Variants in FMNL1 observed in about 807,000 individuals in gnomAD.
The protein encoded by FMNL1 is formin like 1.
Under a neutral mutation model 121.3 loss-of-function variants are expected in FMNL1, and 43 were observed. The observed-to-expected ratio is 0.35, with a 90% CI of 0.28 to 0.46. FMNL1 has a LOEUF of 0.46. FMNL1 is among the 20% of genes least tolerant of loss of function. The pLI is 1.00. For missense variants in FMNL1, 1,191 were observed against 1,482.4 expected (o/e 0.80, Z 3.23); for synonymous variants, 613 against 613.5 (o/e 1.00, Z 0.01).
rs747927505 is a variant in FMNL1 at position 45,234,174 on chromosome 17, G to T, written c.588G>T (p.Val196=). The T allele has an allele frequency of 1.2e-6, 2 of 1,614,090 alleles. No individual in the cohort carries two copies. Among genetic ancestry groups the T allele is most frequent in the South Asian group, 1.1e-5 (1 of 91,086 alleles). Residue 196 remains valine (V), a synonymous_variant, in exon 6 of 27, where the codon GTG becomes GTT. Transcript: ENST00000331495. Reference sequence around the variant, plus strand: ...TCAGCAAGGGTCCACCCTCCTCCGTGCCCAAAAGCCGCCACCTGACCATCA... The same window carrying T: ...TCAGCAAGGGTCCACCCTCCTCCGTTCCCAAAAGCCGCCACCTGACCATCA... ...EDLSKGPPSS[V]PKSRHLTIKL... is the part of the protein sequence containing the mutation.
chr17:45,244,067 T>A (rs2043771934), intron 18 of FMNL1, 42 bp downstream of exon 18: 2 of 1,599,190 alleles, frequency 1.3e-6, no homozygotes, highest in East Asian at 4.5e-5. Flanking sequence ...TGGGAGGGGA[T>A]GGGCAGGAGG....
At chr17:45,244,276 C>T in intron 19 of FMNL1, 32 bp downstream of exon 19, 1 of 1,594,910 alleles carries the variant, frequency 6.3e-7, no homozygotes, top group Non-Finnish European at 8.5e-7. Context: ...CCCACCCTTG[C>T]CTGTTCTGGA....
rs377148837 is a variant in FMNL1 at position 45,239,056 on chromosome 17, G to C, written c.1071G>C (p.Leu357=). ...AGTTCACCCACTTGGGCCTGGACCT[G>C]TACTTGGAGGTAAGCCCTGTACTGC... ...QYEFTHLGLD[L]YLERLRLTES... Residue 357 remains leucine, a synonymous_variant, in exon 11 of 27, where the codon CTG becomes CTC. Transcript: ENST00000331495. 2.5e-6 allele frequency: 4 copies of C among 1,613,706 alleles called. No individual in the cohort carries two copies. The African/African-American group carries it at 4.0e-5, about 16-fold the overall frequency.
chr17:45,232,518 A>C (rs2043460420), intron 3 of FMNL1, 38 bp downstream of exon 3: 3 of 1,597,632 alleles, frequency 1.9e-6, no homozygotes, highest in Non-Finnish European at 2.6e-6. Context: ...CCTTTCCCCC[A>C]CATTTTCCAA....
rs138296987 is a variant in FMNL1 at position 45,244,171 on chromosome 17, C to T, written c.2449-5C>T. On this transcript the variant is annotated splice_region_variant and splice_polypyrimidine_tract_variant and intron_variant, in intron 18 of 26. Coordinates refer to ENST00000331495, the MANE Select transcript of FMNL1 (RefSeq NM_005892.4). ...CTTATCTTACCTCCCCCATCCCACC[C>T]CCAGCAACTGAATGCCATCATTGCA... 7,459 of 1,612,942 alleles carry T rather than the reference C, an allele frequency of 4.6e-3. 35 individuals carry two copies. Among genetic ancestry groups the T allele is most frequent in the Middle Eastern group, 9.1e-3 (55 of 6,060 alleles).
In FMNL1 at chr17:45,241,557, T is replaced by A; in HGVS notation, c.1508T>A (p.Ile503Asn). ...RGPGDAVSIE[I>N]LPVAVATPSG... Reference sequence around the variant, plus strand: ...CCGGGGGATGCTGTCTCCATCGAGATCCTCCCCGTCGCTGTGGCAACTCCG... The same window carrying A: ...CCGGGGGATGCTGTCTCCATCGAGAACCTCCCCGTCGCTGTGGCAACTCCG... Residue 503 changes from isoleucine to asparagine, a missense_variant, in exon 14 of 27, where the codon ATC becomes AAC. Ile to Asn is a moderately radical substitution (Grantham distance 149). Around this residue, in one of 4 missense-constraint regions of FMNL1, gnomAD observed 519 missense variants for 492.8 expected, o/e 1.05. Transcript: ENST00000331495. This position sits in a 1 kb window ranked among gnomAD's most constrained non-coding sequence, Gnocchi z 7.0. The A allele has an allele frequency of 6.4e-7, 1 of 1,569,104 alleles. No individual in the cohort carries two copies. Among genetic ancestry groups the A allele is most frequent in the Non-Finnish European group, 8.6e-7 (1 of 1,157,576 alleles).
At position 45,242,341 on chromosome 17, in the gene FMNL1, G is replaced by A; in HGVS notation, c.1886G>A (p.Gly629Glu). 6.2e-7 allele frequency: 1 copy of A among 1,613,876 alleles called. No individual in the cohort carries two copies. The highest frequency in any genetic ancestry group is 8.5e-7 in the Non-Finnish European group (1 of 1,179,808). ...CACTGCCCCCAAACCCCCGTCCCAG[G>A]AGTGAAGGCCAAGAAGCCCATCCAG... Reference protein sequence around the residue: ...LGRRDSELGPGVKAKKPIQTK... With the variant: ...LGRRDSELGPEVKAKKPIQTK... The change falls in exon 16 of 27, where the codon GGA (glycine) becomes GAA (glutamate). Residue 629 changes from glycine (G) to glutamate (E), a missense_variant and splice_region_variant. Around this residue, in one of 4 missense-constraint regions of FMNL1, gnomAD observed 519 missense variants for 492.8 expected, o/e 1.05. Coordinates refer to ENST00000331495, the MANE Select transcript of FMNL1 (RefSeq NM_005892.4).
chr17:45,234,541 G>A (rs1181875389), intron 6 of FMNL1: 2 of 345,420 alleles, frequency 5.8e-6, no homozygotes, highest in African/African-American at 2.2e-5. Flanking sequence ...GTGCACGCCT[G>A]TAATCCTAGC....
In FMNL1 at chr17:45,247,019, G is replaced by T; in HGVS notation, c.*161G>T. On this transcript the variant is annotated 3_prime_UTR_variant, in exon 27 of 27. Transcript: ENST00000331495. ...TGCAGGGGTGTGGGGCCGTGGACAGGCTGAGGCTCAAGGAAGGTGGTCCTC... is the reference window on the plus strand; with the variant it reads ...TGCAGGGGTGTGGGGCCGTGGACAGTCTGAGGCTCAAGGAAGGTGGTCCTC... 1.5e-6 allele frequency: 1 copy of T among 673,278 alleles called. No individual in the cohort carries two copies. Among genetic ancestry groups the T allele is most frequent in the Non-Finnish European group, 2.7e-6 (1 of 364,330 alleles). The allele number at this position is 673,278 out of a possible 1,614,324, so 41.7% of individuals were successfully genotyped here.
intron 6 of FMNL1, 87 bp from the exon 7 acceptor site, chr17:45,236,049 C>T (rs1461775896): frequency 3.6e-6 from 4 of 1,106,448 alleles, no homozygotes; most frequent in South Asian, 2.8e-5. Context: ...CCAGATGTGC[C>T]TCCTCTTACC....
chr17:45,234,209 G>A lies in FMNL1; in HGVS notation c.614+9G>A, dbSNP rs1479650322. On this transcript the variant is annotated intron_variant, in intron 6 of 26. Coordinates refer to ENST00000331495, the MANE Select transcript of FMNL1 (RefSeq NM_005892.4). ...CGCCACCTGACCATCAAGTATGTGG[G>A]CCACAAAGTGGGGTGGTGGGAGAAC... is the stretch of plus-strand genomic sequence containing the variant. The A allele has an allele frequency of 6.2e-7, 1 of 1,614,006 alleles. No individual in the cohort carries two copies. Among genetic ancestry groups the A allele is most frequent in the South Asian group, 1.1e-5 (1 of 91,086 alleles).
At chr17:45,238,375 T>C in intron 9 of FMNL1, 189 bp from the exon 10 acceptor site, 1 of 578,694 alleles carries the variant, frequency 1.7e-6, no homozygotes, top group South Asian at 2.0e-5. Context: ...AGGATGCCAG[T>C]GTGGCCAGAG....
At chr17:45,225,456 G>A (rs2043310628) in intron 1 of FMNL1, among the ~76,000 whole-genome samples, 1 of 152,234 alleles carries the variant, frequency 6.6e-6, no homozygotes, top group Non-Finnish European at 1.5e-5. Context: ...ATCTCCGGGG[G>A]GATGTGGCCA....
In FMNL1 at chr17:45,246,859, G is replaced by T; in HGVS notation, c.*9-8G>T. The T allele has an allele frequency of 1.4e-6, 1 of 726,430 alleles. No homozygotes were observed. The highest frequency in any genetic ancestry group is 2.5e-6 in the Non-Finnish European group (1 of 399,098). 45.0% of individuals were successfully genotyped at this position (726,430 alleles called of 1,614,324 possible). On this transcript the variant is annotated splice_region_variant and splice_polypyrimidine_tract_variant and intron_variant, in intron 26 of 26. Transcript: ENST00000331495. ...CTGAATGGTAAATGTGTCTCCTTCG[G>T]CTGCCAGATCTGCGGAACCAGCCCT...
Position 45,245,061 on chromosome 17 carries a change from T to C in FMNL1, c.2681T>C (p.Leu894Pro). The C allele has an allele frequency of 6.2e-7, 1 of 1,614,124 alleles. No individual in the cohort carries two copies. Among genetic ancestry groups the C allele is most frequent in the Non-Finnish European group, 8.5e-7 (1 of 1,180,008 alleles). Residue 894 changes from leucine (L) to proline (P), a missense_variant, in exon 21 of 27, where the codon CTC becomes CCC. Physicochemically the swap from Leu to Pro is moderately conservative, Grantham distance 98. Coordinates refer to ENST00000331495, the MANE Select transcript of FMNL1 (RefSeq NM_005892.4). ...GTCATTGCTGAGAAGTACCCGCAAC[T>C]CACAGGCTTCCACAGCGACCTGCAC... ...VKVIAEKYPQ[L>P]TGFHSDLHFL...
chr17:45,230,775 C>T lies in FMNL1; in HGVS notation c.213+88C>T, dbSNP rs1027064213. 2.8e-5 allele frequency: 38 copies of T among 1,365,582 alleles called. No homozygotes were observed. The African/African-American group carries it at 4.2e-4, about 15-fold the overall frequency. The allele number at this position is 1,365,582 out of a possible 1,614,324, so 84.6% of individuals were successfully genotyped here. ...GCTGGGGCTATGGGGAGAGGGGCAC[C>T]GCCATACTGCCCATGGAGCCAAGAC... On this transcript the variant is annotated intron_variant, in intron 2 of 26. Coordinates refer to ENST00000331495, the MANE Select transcript of FMNL1 (RefSeq NM_005892.4).
intron 2 of FMNL1, 72 bp downstream of exon 2, chr17:45,230,759 A>G (rs1176393454): frequency 3.3e-6 from 5 of 1,504,198 alleles, no homozygotes; most frequent in Admixed American, 3.8e-5. Flanking sequence ...GGCTGGGGCT[A>G]TGGGGAGAGG....
chr17:45,244,092 G>A, intron 18 of FMNL1, 67 bp downstream of exon 18: 1 of 1,602,718 alleles, frequency 6.2e-7, no homozygotes, highest in Non-Finnish European at 8.5e-7. Context: ...TCCCAGCCTG[G>A]GCTGCGGCAG....
Position 45,241,502 on chromosome 17 carries a change from G to C in FMNL1, c.1453G>C (p.Glu485Gln). Residue 485 changes from glutamate (E) to glutamine (Q), a missense_variant, in exon 14 of 27, where the codon GAG (glutamate) becomes CAG (glutamine). Glu to Gln is a conservative substitution (Grantham distance 29). Around this residue, in one of 4 missense-constraint regions of FMNL1, gnomAD observed 519 missense variants for 492.8 expected, o/e 1.05. Transcript: ENST00000331495. The surrounding 1 kb of genome is among the most constrained non-coding windows in gnomAD (Gnocchi z 7.0). Reference protein sequence around the residue: ...ALELKVEELEEKGLIRILRGP... With the variant: ...ALELKVEELEQKGLIRILRGP... ...GGAGCTGAAGGTGGAGGAGCTGGAG[G>C]AGAAGGGGTTAATCCGTATTCTGCG... The C allele has an allele frequency of 6.3e-7, 1 of 1,580,368 alleles. No individual in the cohort carries two copies. The highest frequency in any genetic ancestry group is 1.2e-5 in the South Asian group (1 of 86,946).
Sources: allele counts gnomAD v4.1 joint callset (sites outside exome capture counted in the v4.1 genomes callset), GRCh38; gene constraint gnomAD v4.1.1; regional missense constraint gnomAD v4.1.1; non-coding constraint Gnocchi (gnomAD v3.1); transcripts MANE v1.5; gene names NCBI Gene and HGNC (gene_info 2026-07-23, HGNC 2026-07-21).